Variants in PIGS observed in about 807,000 individuals in gnomAD.
The protein encoded by PIGS is phosphatidylinositol glycan anchor biosynthesis class S, also known as GPI-anchor transamidase component PIGS.
In PIGS, 37 loss-of-function variants were observed where a neutral mutation model predicts 58.2. The observed-to-expected ratio is 0.64, with a 90% confidence interval of 0.49 to 0.84. The LOEUF is 0.84. PIGS is among the 40% of genes least tolerant of loss of function. PIGS has a pLI of 0.00. For synonymous variants in PIGS, 269 were observed against 289.2 expected, an observed-to-expected ratio of 0.93 and a Z score of 0.71; for missense variants, 629 against 710.8, an observed-to-expected ratio of 0.88 and a Z score of 1.31.
intron 5 of PIGS, 48 bp from the exon 6 acceptor site, chr17:28,561,677 G>A (rs370658602): frequency 3.2e-6 from 5 of 1,552,022 alleles, no homozygotes; most frequent in Admixed American, 3.8e-5. Flanking sequence ...AGAAAAGAAA[G>A]CCAAAAAGCA....
intron 7 of PIGS, 55 bp from the exon 8 acceptor site, chr17:28,558,645 C>G (rs1567615294): frequency 1.3e-5 from 18 of 1,418,464 alleles, no homozygotes; most frequent in Non-Finnish European, 1.7e-5. Flanking sequence ...CTACTTTCTC[C>G]CAAAAAAGAT....
intron 6 of PIGS, among the ~76,000 whole-genome samples, chr17:28,560,904 A>G (rs1275939856): frequency 6.6e-6 from 1 of 152,184 alleles, no homozygotes; most frequent in South Asian, 2.1e-4. Flanking sequence ...TGGTGAGCCA[A>G]GATCACGCCA....
chr17:28,554,523 T>C (rs763901255), intron 11 of PIGS, 28 bp from the exon 12 acceptor site: 7 of 1,606,808 alleles, frequency 4.4e-6, no homozygotes, highest in East Asian at 2.2e-5. Context: ...CAAGAGGGTA[T>C]ACCAGTAAGT....
rs2070364627 is a variant in PIGS, at chr17:28,561,558, G to T, written c.540C>A (p.Asn180Lys). The T allele has an allele frequency of 6.2e-7, 1 of 1,613,924 alleles. No homozygotes were observed. The highest frequency in any genetic ancestry group is 8.5e-7 in the Non-Finnish European group (1 of 1,179,934). The change falls in exon 6 of 12, where the codon AAC (asparagine) becomes AAA (lysine). Residue 180 changes from asparagine to lysine, a missense_variant. Physicochemically the swap from Asn to Lys is moderately conservative, Grantham distance 94. Coordinates refer to ENST00000308360, the MANE Select transcript of PIGS (RefSeq NM_033198.4). ...CCTGGACTATGCGGCGGCCAATGAT[G>T]TTAAAGGCCTCCCGGTGCATTATCC... Reference protein sequence around the residue: ...VRGIMHREAFNIIGRRIVQVA... With the variant: ...VRGIMHREAFKIIGRRIVQVA...
At chr17:28,565,234 T>G (rs2070387576) in intron 3 of PIGS, among the ~76,000 whole-genome samples, 1 of 152,158 alleles carries the variant, frequency 6.6e-6, no homozygotes, top group African/African-American at 2.4e-5. Flanking sequence ...ATTAGAAACA[T>G]CTTTTAAAAC....
At position 28,561,507 on chromosome 17, in the gene PIGS, C is replaced by T. The variant is rs1182678779; in HGVS notation, c.591G>A (p.Glu197=). 1.2e-6 allele frequency: 2 copies of T among 1,614,148 alleles called. No individual in the cohort carries two copies. Among genetic ancestry groups the T allele is most frequent in the Middle Eastern group, 1.6e-4 (1 of 6,062 alleles). The change falls in exon 6 of 12, where the codon GAG becomes GAA. Residue 197 remains glutamate, a synonymous_variant. Coordinates refer to ENST00000308360, the MANE Select transcript of PIGS (RefSeq NM_033198.4). Reference sequence around the variant, plus strand: ...CAGCCAGAGCAGCAGCAAGCACATCCTCAGTCAAAGACATGGCCTGGGCCA... The same window carrying T: ...CAGCCAGAGCAGCAGCAAGCACATCTTCAGTCAAAGACATGGCCTGGGCCA... ...VQVAQAMSLT[E]DVLAAALADH... is the part of the protein sequence containing the mutation.
intron 11 of PIGS, 78 bp downstream of exon 11, chr17:28,554,773 C>T: frequency 6.4e-7 from 1 of 1,550,950 alleles, no homozygotes; most frequent in South Asian, 1.1e-5. Context: ...ACCTCACAGG[C>T]TCTCTGGTCT....
chr17:28,568,113 CT>C (rs774276407), intron 3 of PIGS, among the ~76,000 whole-genome samples: 69 of 146,542 alleles, frequency 4.7e-4, no homozygotes, highest in Non-Finnish European at 4.4e-4. Flanking sequence ...GTCTTTTTTT[CT>C]TTTTTTTTTT....
chr17:28,556,728 A>T, intron 9 of PIGS, 99 bp downstream of exon 9: 1 of 1,461,482 alleles, frequency 6.8e-7, no homozygotes, highest in Non-Finnish European at 9.2e-7. Flanking sequence ...AGGCTGGGCC[A>T]TGGAGGACAC....
In PIGS at chr17:28,560,144, C is replaced by G; in HGVS notation, c.724G>C (p.Asp242His). The change falls in exon 7 of 12, where the codon GAT becomes CAT. Residue 242 changes from aspartate (D) to histidine (H), a missense_variant. Coordinates refer to ENST00000308360, the MANE Select transcript of PIGS (RefSeq NM_033198.4). ...SLLNPDPKSH[D>H]VYWDIEGAVR... ...GCCCCCTCAATGTCCCAGTAGACAT[C>G]ATGGGACTTGGGGTCTGGGTTGAGT... is the stretch of plus-strand genomic sequence containing the variant. 1 of 1,612,710 alleles carries G rather than the reference C, an allele frequency of 6.2e-7. No homozygotes were observed. The highest frequency in any genetic ancestry group is 8.5e-7 in the Non-Finnish European group (1 of 1,179,246).
chr17:28,571,217 C>G, intron 1 of PIGS, 29 bp from the exon 2 acceptor site: 1 of 1,606,462 alleles, frequency 6.2e-7, no homozygotes, highest in South Asian at 1.1e-5. Context: ...GACTGAGGCG[C>G]TGGAAACGGG....
intron 3 of PIGS, among the ~76,000 whole-genome samples, chr17:28,570,447 G>T (rs2070420034): frequency 6.6e-6 from 1 of 152,208 alleles, no homozygotes; most frequent in Admixed American, 6.5e-5. Context: ...GGAGGCAGAG[G>T]TTGCAGTGAG....
intron 6 of PIGS, among the ~76,000 whole-genome samples, chr17:28,561,000 G>A (rs1223622969): frequency 6.6e-6 from 1 of 152,146 alleles, no homozygotes; most frequent in East Asian, 1.9e-4. Flanking sequence ...GCTCACACTT[G>A]TAATCCCAGC....
chr17:28,559,211 G>C (rs968487029), intron 7 of PIGS, among the ~76,000 whole-genome samples: 1 of 151,788 alleles, frequency 6.6e-6, no homozygotes, highest in Non-Finnish European at 1.5e-5. Context: ...TCCTAACCTC[G>C]TGATCCGCCT....
At chr17:28,564,269 A>G (rs1162429642) in intron 3 of PIGS, among the ~76,000 whole-genome samples, 2 of 152,210 alleles carry the variant, frequency 1.3e-5, no homozygotes, top group Non-Finnish European at 2.9e-5. Flanking sequence ...TGTTCCTGAT[A>G]AAAAACAAAA....
intron 6 of PIGS, 140 bp downstream of exon 6, chr17:28,561,282 A>C: frequency 2.0e-6 from 1 of 505,888 alleles, no homozygotes; most frequent in East Asian, 4.3e-5. Flanking sequence ...AAAAAATAAT[A>C]ATAATAATAA....
intron 10 of PIGS, chr17:28,555,532 C>T (rs2070321551): frequency 5.6e-6 from 1 of 177,198 alleles, no homozygotes; most frequent in Non-Finnish European, 1.2e-5. Context: ...CCTAATGAGC[C>T]CAGATACAGC....
chr17:28,558,045 C>T (rs765914827), intron 8 of PIGS, among the ~76,000 whole-genome samples: 20 of 152,196 alleles, frequency 1.3e-4, no homozygotes, highest in Non-Finnish European at 1.8e-4. Context: ...TAGTGGCTCA[C>T]GCCTATAATC....
chr17:28,556,422 A>C, intron 9 of PIGS, 156 bp from the exon 10 acceptor site: 1 of 715,694 alleles, frequency 1.4e-6, no homozygotes, highest in Non-Finnish European at 2.5e-6. Context: ...TACTACGGAG[A>C]GCATTAAATA....
Sources: allele counts gnomAD v4.1 joint callset (sites outside exome capture counted in the v4.1 genomes callset), GRCh38; gene constraint gnomAD v4.1.1; transcripts MANE v1.5; gene names NCBI Gene and HGNC (gene_info 2026-07-23, HGNC 2026-07-21).